The following TCF12 variants were observed in gnomAD, a reference collection of about 807,000 sequenced individuals.
The protein encoded by TCF12 is DNA-binding protein HTF4.
TCF12 carries 45 observed loss-of-function variants against 86.0 expected under a neutral mutation model. That is an observed-to-expected ratio of 0.52 (90% CI 0.41 to 0.67). TCF12 has a LOEUF of 0.67. Ranked by LOEUF, TCF12 falls within the 30% of genes least tolerant of loss-of-function variation. TCF12 has a pLI of 0.00. For missense variants in TCF12, 881 were observed against 859.9 expected, an observed-to-expected ratio of 1.02 and a Z score of -0.31; for synonymous variants, 330 against 299.6, an observed-to-expected ratio of 1.10 and a Z score of -1.05.
At chr15:57,011,150 G>C (rs1567248873) in intron 3 of TCF12, among the ~76,000 whole-genome samples, 1 of 152,114 alleles carries the variant, frequency 6.6e-6, no homozygotes. Context: ...TACTAATGTG[G>C]TTTGGGTGTT....
chr15:57,076,608 G>C (rs568570059), intron 4 of TCF12, among the ~76,000 whole-genome samples: 2 of 150,626 alleles, frequency 1.3e-5, no homozygotes, highest in Non-Finnish European at 2.9e-5. Flanking sequence ...AGCCGAGATC[G>C]CGCCACTGCA....
intron 4 of TCF12, among the ~76,000 whole-genome samples, chr15:57,083,785 A>G (rs574616320): frequency 6.6e-6 from 1 of 152,030 alleles, no homozygotes; most frequent in African/African-American, 2.4e-5. Context: ...GAGTCTCGCT[A>G]TGTTGCCCTG....
chr15:57,221,543 G>T (rs1453616067), intron 8 of TCF12, among the ~76,000 whole-genome samples: 1 of 151,932 alleles, frequency 6.6e-6, no homozygotes, highest in East Asian at 1.9e-4. Context: ...CATTGGGAGG[G>T]GGGTAGGGGG....
intron 3 of TCF12, among the ~76,000 whole-genome samples, chr15:56,973,165 T>C (rs2062423488): frequency 6.6e-6 from 1 of 152,052 alleles, no homozygotes; most frequent in Admixed American, 6.6e-5. Context: ...CTCATTTCCC[T>C]CCCGCCTCCC....
chr15:57,068,203 G>A (rs2069069810), intron 4 of TCF12, among the ~76,000 whole-genome samples: 1 of 152,142 alleles, frequency 6.6e-6, no homozygotes, highest in Non-Finnish European at 1.5e-5. Flanking sequence ...TGGGGATAAT[G>A]ATATCTGTTT....
intron 5 of TCF12, among the ~76,000 whole-genome samples, chr15:57,142,920 TGAC>T (rs1388436819): frequency 1.8e-4 from 27 of 152,276 alleles, no homozygotes; most frequent in African/African-American, 6.5e-4. Context: ...TCAAGAAAGT[TGAC>T]GAGAATGAAT....
At chr15:57,216,809 T>G (rs2058349905) in intron 8 of TCF12, among the ~76,000 whole-genome samples, 1 of 152,048 alleles carries the variant, frequency 6.6e-6, no homozygotes, top group South Asian at 2.1e-4. Flanking sequence ...TTTAGTTTTT[T>G]GGGGGGTAAG....
intron 6 of TCF12, among the ~76,000 whole-genome samples, chr15:57,183,923 C>CT (rs1410627533): frequency 4.0e-5 from 6 of 151,870 alleles, no homozygotes; most frequent in Non-Finnish European, 8.8e-5. Context: ...TTTCAGTGTA[C>CT]TTTTAGAAAT....
At chr15:57,275,071 T>A (rs1236537918) in intron 19 of TCF12, among the ~76,000 whole-genome samples, 1 of 152,152 alleles carries the variant, frequency 6.6e-6, no homozygotes, top group Non-Finnish European at 1.5e-5. Context: ...TGAGAGAAGA[T>A]CTGTCATCTA....
At chr15:56,925,116 T>C (rs1269206963) in intron 3 of TCF12, among the ~76,000 whole-genome samples, 1 of 152,038 alleles carries the variant, frequency 6.6e-6, no homozygotes, top group African/African-American at 2.4e-5. Context: ...GGAGAATTGC[T>C]TGAACCTGGG....
rs749324975 is a variant in TCF12, at chr15:57,166,438, G to T, written c.362G>T (p.Ser121Ile). The T allele has an allele frequency of 6.2e-7, 1 of 1,612,612 alleles. No individual in the cohort carries two copies. Among genetic ancestry groups the T allele is most frequent in the East Asian group, 2.2e-5 (1 of 44,742 alleles). ...GAGAGAGGCTCATTTTCCCTGTACA[G>T]CAGAGATACTGGATTACCAGGCTGT... is the stretch of plus-strand genomic sequence containing the variant. The part of the protein sequence containing the change: ...TSERGSFSLY[S>I]RDTGLPGCQS... Residue 121 changes from serine to isoleucine, a missense_variant, in exon 6 of 21, where the codon AGC (serine) becomes ATC (isoleucine). Physicochemically the swap from Ser to Ile is moderately radical, Grantham distance 142. This residue lies in a region of TCF12 where 766 missense variants were observed against 718.9 expected (regional missense o/e 1.07). Transcript: ENST00000333725.
intron 19 of TCF12, among the ~76,000 whole-genome samples, chr15:57,275,452 G>A (rs72733982): frequency 1.8e-5 from 2 of 113,318 alleles, no homozygotes; most frequent in African/African-American, 7.4e-5. Flanking sequence ...ACCATGCCTG[G>A]GCTCAGACTC....
At chr15:56,925,896 T>G (rs530614564) in intron 3 of TCF12, among the ~76,000 whole-genome samples, 19 of 152,364 alleles carry the variant, frequency 1.2e-4, no homozygotes, top group African/African-American at 4.6e-4. Flanking sequence ...GACAGTCTGC[T>G]TTGTTAAATA....
Position 57,230,967 on chromosome 15 carries a change from C to A in TCF12, c.580-185C>A, listed in dbSNP as rs79942641. On this transcript the variant is annotated intron_variant, in intron 8 of 20. Coordinates refer to ENST00000333725, the MANE Select transcript of TCF12 (RefSeq NM_207037.2). ...TAATAACCAGCTTAAAAAAAAAAAA[C>A]ATGTGGATGGTAATTAAGTTTGACA... 3.6e-3 allele frequency among the ~76,000 whole-genome samples: 512 copies of A among 141,764 alleles called. 3 individuals carry two copies. The highest frequency in any genetic ancestry group is 7.3e-3 in the Middle Eastern group (2 of 274). 93.0% of individuals were successfully genotyped at this position (141,764 alleles called of 152,430 possible). A position where few individuals can be genotyped will look rare whatever the true frequency, so the allele number is the denominator to read the frequency against.
chr15:57,192,336 GTTGTTTTTTCCTCCC>G (rs2057025614), intron 7 of TCF12, 43 bp downstream of exon 7: 1 of 1,579,414 alleles, frequency 6.3e-7, no homozygotes, highest in African/African-American at 1.4e-5. Flanking sequence ...ATATGTTGTT[GTTGTTTTTTCCTCCC>G]ATAATCTGTA....
intron 7 of TCF12, among the ~76,000 whole-genome samples, 160 bp downstream of exon 7, chr15:57,192,453 A>C (rs149880664): frequency 7.9e-5 from 12 of 152,102 alleles, no homozygotes; most frequent in Middle Eastern, 3.4e-3. Flanking sequence ...CAACAGCACA[A>C]TCTTGGCTTA....
At chr15:57,268,058 G>T (rs1229655962) in intron 18 of TCF12, among the ~76,000 whole-genome samples, 1 of 152,176 alleles carries the variant, frequency 6.6e-6, no homozygotes, top group Admixed American at 6.5e-5. Context: ...CTTCCATGGA[G>T]CACTGAGCTG....
chr15:57,019,419 A>C (rs938248152), intron 3 of TCF12, among the ~76,000 whole-genome samples: 1 of 152,186 alleles, frequency 6.6e-6, no homozygotes, highest in Non-Finnish European at 1.5e-5. Flanking sequence ...AGTTTAATGC[A>C]GGGCTGGCCA....
chr15:57,087,477 G>A (rs1331229934), intron 4 of TCF12, among the ~76,000 whole-genome samples: 1 of 151,086 alleles, frequency 6.6e-6, no homozygotes, highest in African/African-American at 2.4e-5. Context: ...AAATATGGAA[G>A]CTGCTTTGAT....
Sources: gnomAD v4.1 joint callset for allele counts (sites outside exome capture counted in the v4.1 genomes callset) on GRCh38, gnomAD v4.1.1 for gene constraint, gnomAD v4.1.1 regional missense constraint, MANE v1.5 for transcripts, NCBI Gene and HGNC (gene_info 2026-07-23, HGNC 2026-07-21) for gene names.